The following PPP1R9A variants were observed in gnomAD, a reference collection of about 807,000 sequenced individuals.
PPP1R9A encodes the protein neurabin-1.
In PPP1R9A, 59 loss-of-function variants were observed where a neutral mutation model predicts 141.9. The ratio of observed to expected loss-of-function variants is 0.42; its 90% CI spans 0.34 to 0.52. PPP1R9A has a LOEUF of 0.52. Ranked by LOEUF, PPP1R9A falls within the 20% of genes least tolerant of loss-of-function variation. The pLI is 0.10. For synonymous variants in PPP1R9A, 500 were observed against 569.7 expected, an observed-to-expected ratio of 0.88 and a Z score of 1.74; for missense variants, 1,444 against 1,611.9, an observed-to-expected ratio of 0.90 and a Z score of 1.78.
At chr7:94,913,590 A>T (rs901670909) in intron 2 of PPP1R9A, among the ~76,000 whole-genome samples, 5 of 152,196 alleles carry the variant, frequency 3.3e-5, no homozygotes, top group African/African-American at 9.6e-5. Context: ...CTTTGTAATG[A>T]ATAACACAAT....
At chr7:95,177,626 GC>G (rs1004383628) in intron 5 of PPP1R9A, among the ~76,000 whole-genome samples, 5 of 152,030 alleles carry the variant, frequency 3.3e-5, no homozygotes, top group Admixed American at 2.0e-4. Flanking sequence ...ACTATCTGCT[GC>G]CTTCAAGAGA....
intron 6 of PPP1R9A, among the ~76,000 whole-genome samples, chr7:95,200,861 G>C (rs1371087041): frequency 6.6e-6 from 1 of 152,040 alleles, no homozygotes; most frequent in Non-Finnish European, 1.5e-5. Context: ...TTTTTCCCTA[G>C]AAATGCAGCA....
At chr7:94,931,807 A>G (rs530528012) in intron 2 of PPP1R9A, among the ~76,000 whole-genome samples, 1 of 152,230 alleles carries the variant, frequency 6.6e-6, no homozygotes, top group East Asian at 1.9e-4. Context: ...CGAACTGCCG[A>G]CCTCAGGTCA....
At chr7:95,040,696 C>T (rs1486174404) in intron 2 of PPP1R9A, among the ~76,000 whole-genome samples, 2 of 152,122 alleles carry the variant, frequency 1.3e-5, no homozygotes, top group Non-Finnish European at 2.9e-5. Flanking sequence ...CATCCTTTCC[C>T]TTGTGCCACA....
chr7:95,101,480 T>A (rs1028416839), intron 2 of PPP1R9A, among the ~76,000 whole-genome samples: 3 of 152,166 alleles, frequency 2.0e-5, no homozygotes, highest in African/African-American at 7.2e-5. Flanking sequence ...CATACGTACT[T>A]TCCAGATTCC....
intron 12 of PPP1R9A, among the ~76,000 whole-genome samples, chr7:95,263,811 G>T (rs1287858134): frequency 6.6e-6 from 1 of 152,092 alleles, no homozygotes; most frequent in East Asian, 1.9e-4. Flanking sequence ...GAGTGTACAT[G>T]TTATTCTGCA....
At chr7:95,228,910 G>C (rs1004598499) in intron 8 of PPP1R9A, among the ~76,000 whole-genome samples, 1 of 152,070 alleles carries the variant, frequency 6.6e-6, no homozygotes, top group Non-Finnish European at 1.5e-5. Context: ...CGAGCTATAA[G>C]TAACAGGACA....
chr7:95,093,210 A>G (rs1817592548), intron 2 of PPP1R9A, among the ~76,000 whole-genome samples: 2 of 152,174 alleles, frequency 1.3e-5, no homozygotes, highest in Non-Finnish European at 2.9e-5. Context: ...GCAAAACTGT[A>G]AAAGTGACTG....
At chr7:95,107,107 T>A (rs985268238) in intron 2 of PPP1R9A, among the ~76,000 whole-genome samples, 1 of 152,172 alleles carries the variant, frequency 6.6e-6, no homozygotes, top group Non-Finnish European at 1.5e-5. Context: ...TTAAAAAAAA[T>A]CTATTCTTAT....
rs144294926 is a variant in PPP1R9A, at chr7:95,271,898, A to T, written c.3125-2001A>T. Reference sequence around the variant, plus strand: ...ACCAATCTAATGTTGGATTTTATGCAGACTAGAAGTTCTAGTGTGCATTAA... The same window carrying T: ...ACCAATCTAATGTTGGATTTTATGCTGACTAGAAGTTCTAGTGTGCATTAA... On this transcript the variant is annotated intron_variant, in intron 14 of 19. Transcript: ENST00000433360. Among the ~76,000 whole-genome samples, 413 of 152,336 alleles carry T rather than the reference A, an allele frequency of 2.7e-3. 1 individual carries two copies. Among genetic ancestry groups the T allele is most frequent in the African/African-American group, 8.5e-3 (352 of 41,586 alleles).
intron 4 of PPP1R9A, among the ~76,000 whole-genome samples, chr7:95,147,555 G>A (rs1433805793): frequency 6.6e-6 from 1 of 152,076 alleles, no homozygotes; most frequent in Admixed American, 6.6e-5. Flanking sequence ...GGGGAGAGAG[G>A]GCTTCCTTGT....
Position 95,083,249 on chromosome 7 carries a change from A to C in PPP1R9A, c.1396-28010A>C, listed in dbSNP as rs1477988372. Among the ~76,000 whole-genome samples, 4 of 151,958 alleles carry C rather than the reference A, an allele frequency of 2.6e-5. No homozygotes were observed. In the East Asian group the frequency reaches 7.7e-4, roughly 29 times the overall value. ...ATGCAGAACTATGATTGGAGGACAA[A>C]AGGGTATGATCTAATGATAATAAAC... is the stretch of plus-strand genomic sequence containing the variant. On this transcript the variant is annotated intron_variant, in intron 2 of 19. Coordinates refer to ENST00000433360, the MANE Select transcript of PPP1R9A (RefSeq NM_001166160.2).
At chr7:95,064,344 C>G (rs68143801) in intron 2 of PPP1R9A, among the ~76,000 whole-genome samples, 1 of 152,074 alleles carries the variant, frequency 6.6e-6, no homozygotes, top group African/African-American at 2.4e-5. Flanking sequence ...TTATTTGATA[C>G]GAATATTTTC....
In PPP1R9A at chr7:95,252,047, C is replaced by A; in HGVS notation, c.2582C>A (p.Thr861Lys). The A allele has an allele frequency of 6.2e-7, 1 of 1,613,536 alleles. No homozygotes were observed. Among genetic ancestry groups the A allele is most frequent in the Non-Finnish European group, 8.5e-7 (1 of 1,179,824 alleles). The change falls in exon 12 of 20, where the codon ACA (threonine) becomes AAA (lysine). Residue 861 changes from threonine to lysine, a missense_variant. Physicochemically the swap from Thr to Lys is moderately conservative, Grantham distance 78. Coordinates refer to ENST00000433360, the MANE Select transcript of PPP1R9A (RefSeq NM_001166160.2). ...NNNNNIFERR[T>K]SLGEVSKGDT... ...AATAACAACATCTTTGAGAGAAGAA[C>A]ATCTCTTGGTGAAGTCTCTAAAGGG...
chr7:95,092,016 A>G (rs1221890698), intron 2 of PPP1R9A, among the ~76,000 whole-genome samples: 1 of 152,148 alleles, frequency 6.6e-6, no homozygotes, highest in African/African-American at 2.4e-5. Context: ...TGAGACACCT[A>G]TCCCAGAAGA....
chr7:95,255,983 T>G (rs1044837027), intron 12 of PPP1R9A, among the ~76,000 whole-genome samples: 1 of 152,132 alleles, frequency 6.6e-6, no homozygotes, highest in African/African-American at 2.4e-5. Context: ...CAAGTGCTGC[T>G]TCATTTCATT....
At chr7:95,233,288 A>G (rs565669164) in intron 8 of PPP1R9A, among the ~76,000 whole-genome samples, 29 of 151,678 alleles carry the variant, frequency 1.9e-4, no homozygotes, top group African/African-American at 6.3e-4. Flanking sequence ...CAAACACCAC[A>G]TGTTCTCACT....
In PPP1R9A at chr7:94,907,626, C is replaced by CCTCTCT. The variant is rs1167496246; in HGVS notation, c.-289_-284dup. The CCTCTCT allele has an allele frequency of 6.6e-6, 1 of 152,214 alleles. No individual in the cohort carries two copies. The highest frequency in any genetic ancestry group is 1.5e-5 in the Non-Finnish European group (1 of 68,154). 9.4% of individuals were successfully genotyped at this position (152,214 alleles called of 1,614,324 possible). ...GCCCTTCCTTGGCCGCCAGAGGCTC[C>CCTCTCT]CTCTCTCTCCCTCTCCCGGGATTTT... On this transcript the variant is annotated 5_prime_UTR_variant, in exon 1 of 20. Coordinates refer to ENST00000433360, the MANE Select transcript of PPP1R9A (RefSeq NM_001166160.2).
At chr7:95,144,112 A>G (rs2152582559) in intron 4 of PPP1R9A, among the ~76,000 whole-genome samples, 1 of 152,152 alleles carries the variant, frequency 6.6e-6, no homozygotes, top group South Asian at 2.1e-4. Flanking sequence ...TTCATCTTAT[A>G]ACAGAAAGTT....
Sources: allele counts gnomAD v4.1 joint callset (sites outside exome capture counted in the v4.1 genomes callset), GRCh38; gene constraint gnomAD v4.1.1; transcripts MANE v1.5; gene names NCBI Gene and HGNC (gene_info 2026-07-23, HGNC 2026-07-21).